The following GRM8 variants were observed in gnomAD, a reference collection of about 807,000 sequenced individuals.
GRM8 encodes metabotropic glutamate receptor 8.
In GRM8, 47 loss-of-function variants were observed where a neutral mutation model predicts 87.2. The ratio of observed to expected loss-of-function variants is 0.54; its 90% confidence interval spans 0.43 to 0.69. GRM8 has a LOEUF of 0.69. Ranked by LOEUF, GRM8 falls within the 30% of genes least tolerant of loss-of-function variation. The pLI, the probability that GRM8 is intolerant of heterozygous loss-of-function variation, is 0.00. For synonymous variants in GRM8, 396 were observed against 404.5 expected, an observed-to-expected ratio of 0.98 and a Z score of 0.25; for missense variants, 1,019 against 1,139.2, an observed-to-expected ratio of 0.89 and a Z score of 1.52.
chr7:126,471,883 G>T (rs1211276483), intron 9 of GRM8, among the ~76,000 whole-genome samples: 1 of 152,066 alleles, frequency 6.6e-6, no homozygotes, highest in African/African-American at 2.4e-5. Context: ...GTGGTTTGTA[G>T]TTCTCCTTGA....
chr7:126,673,700 A>C (rs1806639181), intron 7 of GRM8, among the ~76,000 whole-genome samples: 1 of 152,172 alleles, frequency 6.6e-6, no homozygotes, highest in African/African-American at 2.4e-5. Context: ...ATAACTGATA[A>C]CTTTTTAGTT....
chr7:126,780,899 G>T (rs1481262135), intron 6 of GRM8, among the ~76,000 whole-genome samples: 1 of 152,154 alleles, frequency 6.6e-6, no homozygotes, highest in Non-Finnish European at 1.5e-5. Flanking sequence ...AATGGAGTAG[G>T]CAGATTGGGA....
At chr7:127,048,993 T>G (rs1156836369) in intron 3 of GRM8, among the ~76,000 whole-genome samples, 1 of 152,180 alleles carries the variant, frequency 6.6e-6, no homozygotes, top group Non-Finnish European at 1.5e-5. Flanking sequence ...TGGGAATTTA[T>G]TTACTCTAGC....
At chr7:126,601,437 G>C (rs1585182479) in intron 8 of GRM8, among the ~76,000 whole-genome samples, 3 of 152,094 alleles carry the variant, frequency 2.0e-5, no homozygotes, top group African/African-American at 7.2e-5. Flanking sequence ...AGTCATTTGG[G>C]TATATACCCA....
At chr7:126,939,527 A>C (rs1169060007) in intron 3 of GRM8, among the ~76,000 whole-genome samples, 3 of 152,236 alleles carry the variant, frequency 2.0e-5, no homozygotes, top group African/African-American at 7.2e-5. Flanking sequence ...AAGAGTAAGC[A>C]TTCAGATAAT....
chr7:126,635,719 G>A (rs1004470340), intron 7 of GRM8, among the ~76,000 whole-genome samples: 13 of 152,024 alleles, frequency 8.6e-5, no homozygotes, highest in Admixed American at 4.6e-4. Flanking sequence ...GCATAACACA[G>A]GTGGCATACC....
intron 3 of GRM8, among the ~76,000 whole-genome samples, chr7:127,066,306 AATATCTG>A (rs1394472900): frequency 6.6e-6 from 1 of 152,190 alleles, no homozygotes; most frequent in Non-Finnish European, 1.5e-5. Flanking sequence ...GGAGAGGACT[AATATCTG>A]TGTCACAGAA....
chr7:126,487,399 G>A (rs1035908515), intron 9 of GRM8, among the ~76,000 whole-genome samples: 1 of 151,708 alleles, frequency 6.6e-6, no homozygotes, highest in African/African-American at 2.4e-5. Context: ...CAAGTAGCAG[G>A]GACTACAGGC....
intron 6 of GRM8, among the ~76,000 whole-genome samples, chr7:126,787,279 T>C (rs1034490993): frequency 3.9e-5 from 6 of 152,240 alleles, no homozygotes; most frequent in African/African-American, 7.2e-5. Flanking sequence ...CAAATTTAGA[T>C]GGCCATTTAT....
intron 3 of GRM8, among the ~76,000 whole-genome samples, chr7:127,046,386 AT>A (rs1238383586): frequency 2.0e-5 from 3 of 150,022 alleles, no homozygotes; most frequent in Non-Finnish European, 4.5e-5. Context: ...AAAATAAAAA[AT>A]AAAAAAAAAA....
chr7:126,988,149 C>T (rs1036368888), intron 3 of GRM8, among the ~76,000 whole-genome samples: 2 of 152,134 alleles, frequency 1.3e-5, no homozygotes, highest in Non-Finnish European at 2.9e-5. Context: ...AAGCTACTAT[C>T]ACAAAACACT....
At chr7:126,489,541 A>G (rs1452286235) in intron 9 of GRM8, among the ~76,000 whole-genome samples, 1 of 152,076 alleles carries the variant, frequency 6.6e-6, no homozygotes, top group East Asian at 1.9e-4. Context: ...TAAATCTGAA[A>G]GGTGTAAAGA....
intron 3 of GRM8, among the ~76,000 whole-genome samples, chr7:126,928,851 G>T (rs538356783): frequency 2.6e-4 from 39 of 152,174 alleles, no homozygotes; most frequent in African/African-American, 7.2e-4. Context: ...ATTTTAAAAA[G>T]AAAGTGTGAA....
At position 126,446,226 on chromosome 7, in the gene GRM8, C is replaced by T; in HGVS notation, c.2577G>A (p.Val859=). The T allele has an allele frequency of 1.9e-6, 3 of 1,613,056 alleles. No homozygotes were observed. Among genetic ancestry groups the T allele is most frequent in the Non-Finnish European group, 2.5e-6 (3 of 1,179,434 alleles). ...TGCTTTGCATGGTGGCAGCTGTCAC[C>T]ACAGCCTTGAAGCTCCTCTTGCGTT... is the stretch of plus-strand genomic sequence containing the variant. ...VQKRKRSFKA[V]VTAATMQSKL... The change falls in exon 10 of 11, where the codon GTG becomes GTA. Residue 859 remains valine, a synonymous_variant. Transcript: ENST00000339582.
chr7:126,828,659 G>A (rs984351395), intron 6 of GRM8, among the ~76,000 whole-genome samples: 2 of 152,112 alleles, frequency 1.3e-5, no homozygotes, highest in Non-Finnish European at 2.9e-5. Flanking sequence ...CAAAAAACCA[G>A]CTCCTGGATT....
At chr7:126,922,766 T>C (rs910760678) in intron 3 of GRM8, among the ~76,000 whole-genome samples, 1 of 151,952 alleles carries the variant, frequency 6.6e-6, no homozygotes, top group African/African-American at 2.4e-5. Flanking sequence ...TCATGAATGG[T>C]TTAGCAACAT....
At chr7:126,547,512 GATA>G (rs1181772210) in intron 8 of GRM8, among the ~76,000 whole-genome samples, 1 of 151,426 alleles carries the variant, frequency 6.6e-6, no homozygotes, top group Non-Finnish European at 1.5e-5. Flanking sequence ...TATAATTCTG[GATA>G]ATAATTATAA....
chr7:126,650,991 T>C (rs1052861586), intron 7 of GRM8, among the ~76,000 whole-genome samples: 5 of 152,112 alleles, frequency 3.3e-5, no homozygotes, highest in Non-Finnish European at 5.9e-5. Flanking sequence ...TATGGCACCA[T>C]TCCTTGAGGT....
At chr7:127,071,423 C>T (rs919193989) in intron 3 of GRM8, among the ~76,000 whole-genome samples, 2 of 152,276 alleles carry the variant, frequency 1.3e-5, no homozygotes, top group African/African-American at 4.8e-5. Context: ...TTTAAGACCA[C>T]CTCACCCTGC....
Sources: allele counts gnomAD v4.1 joint callset (sites outside exome capture counted in the v4.1 genomes callset), GRCh38; gene constraint gnomAD v4.1.1; transcripts MANE v1.5; gene names NCBI Gene and HGNC (gene_info 2026-07-23, HGNC 2026-07-21).